Variants in CCSER1 observed in about 807,000 individuals in gnomAD.
CCSER1 encodes coiled-coil serine rich protein 1.
Under a neutral mutation model 82.0 loss-of-function variants are expected in CCSER1, and 41 were observed. That is an observed-to-expected ratio of 0.50 (90% CI 0.39 to 0.65). CCSER1 has a LOEUF of 0.65. Among genes scored for constraint, CCSER1 ranks in the 30% least tolerant of loss-of-function variants. The pLI, the probability that CCSER1 is intolerant of heterozygous loss-of-function variation, is 0.00. For missense variants in CCSER1, 1,119 were observed against 1,064.2 expected, an observed-to-expected ratio of 1.05 and a Z score of -0.72; for synonymous variants, 414 against 383.9, an observed-to-expected ratio of 1.08 and a Z score of -0.92.
intron 9 of CCSER1, among the ~76,000 whole-genome samples, chr4:91,084,724 C>A (rs979243586): frequency 5.3e-5 from 8 of 151,962 alleles, no homozygotes; most frequent in African/African-American, 1.9e-4. Context: ...AACAGGCTAC[C>A]ACCTATATAC....
At chr4:90,137,010 T>G (rs1344999598) in intron 1 of CCSER1, among the ~76,000 whole-genome samples, 1 of 152,194 alleles carries the variant, frequency 6.6e-6, no homozygotes. Context: ...AATAAGATTC[T>G]TAAATTTTCA....
chr4:90,634,420 G>A (rs1227955181), intron 6 of CCSER1, among the ~76,000 whole-genome samples: 1 of 151,316 alleles, frequency 6.6e-6, no homozygotes, highest in Non-Finnish European at 1.5e-5. Flanking sequence ...GACTTTCAAG[G>A]ATAATATTCA....
chr4:90,282,409 A>G (rs1195088382), intron 1 of CCSER1, among the ~76,000 whole-genome samples: 1 of 151,094 alleles, frequency 6.6e-6, no homozygotes, highest in African/African-American at 2.4e-5. Flanking sequence ...CCATCTGTGA[A>G]TCAAGTTAAA....
rs149942675 is a variant in CCSER1, at chr4:90,508,213, A to G, written c.1724+39859A>G. Among the ~76,000 whole-genome samples the G allele has an allele frequency of 5.7e-3, 869 of 152,236 alleles. 10 individuals carry two copies. The highest frequency in any genetic ancestry group is 0.02 in the African/African-American group (834 of 41,562). Reference sequence around the variant, plus strand: ...TCTCAGAAAAGCAGTTACGTTGGGTATACAGTGAGTATAAGAATGAAGTTG... The same window carrying G: ...TCTCAGAAAAGCAGTTACGTTGGGTGTACAGTGAGTATAAGAATGAAGTTG... On this transcript the variant is annotated intron_variant, in intron 5 of 10. Coordinates refer to ENST00000509176, the MANE Select transcript of CCSER1 (RefSeq NM_001145065.2).
At chr4:91,544,265 G>A (rs1195758792) in intron 10 of CCSER1, among the ~76,000 whole-genome samples, 1 of 152,052 alleles carries the variant, frequency 6.6e-6, no homozygotes, top group African/African-American at 2.4e-5. Context: ...CTTTAGCTCG[G>A]AGAAGTTTGT....
intron 10 of CCSER1, among the ~76,000 whole-genome samples, chr4:91,359,293 T>A (rs1749089337): frequency 6.6e-6 from 1 of 151,782 alleles, no homozygotes; most frequent in South Asian, 2.1e-4. Context: ...AACTACTGGG[T>A]TTAGGCCAGG....
At chr4:90,433,869 G>GATATATAT (rs138999636) in intron 4 of CCSER1, among the ~76,000 whole-genome samples, 1 of 147,758 alleles carries the variant, frequency 6.8e-6, no homozygotes, top group East Asian at 2.0e-4. Context: ...ATTTCCTGGA[G>GATATATAT]ATATATATAT....
At chr4:90,583,467 G>C (rs1781647830) in intron 5 of CCSER1, among the ~76,000 whole-genome samples, 1 of 151,966 alleles carries the variant, frequency 6.6e-6, no homozygotes, top group Non-Finnish European at 1.5e-5. Flanking sequence ...CGCCTGGCTG[G>C]ATATGTTTTT....
chr4:91,324,894 A>G (rs1343908952), intron 10 of CCSER1, among the ~76,000 whole-genome samples: 1 of 152,200 alleles, frequency 6.6e-6, no homozygotes, highest in Non-Finnish European at 1.5e-5. Context: ...GGGCAGAATA[A>G]TATGATTTGG....
Position 91,079,872 on chromosome 4 carries a change from CT to C in CCSER1, c.2173-6077del, listed in dbSNP as rs541753501. On this transcript the variant is annotated intron_variant, in intron 9 of 10. Transcript: ENST00000509176. ...AATTCAACAAAAAGAGCTAACTATTCTAAATTTATAGGCACCCAATACAGGA... is the reference window on the plus strand; with the variant it reads ...AATTCAACAAAAAGAGCTAACTATTCAAATTTATAGGCACCCAATACAGGA... 2.1e-3 allele frequency among the ~76,000 whole-genome samples: 318 copies of C among 152,248 alleles called. 3 individuals carry two copies. Among genetic ancestry groups the C allele is most frequent in the Non-Finnish European group, 1.5e-3 (99 of 68,000 alleles).
chr4:91,602,060 C>T lies in CCSER1; in HGVS notation c.*3003C>T, dbSNP rs1233260625. The T allele has an allele frequency of 6.6e-6, 1 of 152,016 alleles. No individual in the cohort carries two copies. Among genetic ancestry groups the T allele is most frequent in the Non-Finnish European group, 1.5e-5 (1 of 67,944 alleles). The allele number at this position is 152,016 out of a possible 1,614,324, so 9.4% of individuals were successfully genotyped here. On this transcript the variant is annotated 3_prime_UTR_variant, in exon 11 of 11. Coordinates refer to ENST00000509176, the MANE Select transcript of CCSER1 (RefSeq NM_001145065.2). ...ACAACATGAAACTGTTGCTGCAATG[C>T]TAAAGATGTGAATCCACCACTATCA...
At chr4:91,411,875 C>T (rs889378653) in intron 10 of CCSER1, among the ~76,000 whole-genome samples, 3 of 151,134 alleles carry the variant, frequency 2.0e-5, no homozygotes, top group Non-Finnish European at 2.9e-5. Context: ...AAAGACTTTG[C>T]ATATGGAATC....
chr4:90,151,814 T>A (rs1473189393), intron 1 of CCSER1, among the ~76,000 whole-genome samples: 5 of 152,254 alleles, frequency 3.3e-5, no homozygotes, highest in Admixed American at 3.3e-4. Context: ...TGTATTTACA[T>A]TTACACAGTG....
chr4:90,311,507 G>T (rs138911213), intron 2 of CCSER1, among the ~76,000 whole-genome samples: 2 of 152,078 alleles, frequency 1.3e-5, no homozygotes, highest in Admixed American at 1.3e-4. Context: ...ATATTCATGT[G>T]CTATTTATAA....
At chr4:90,665,146 G>A (rs1271125843) in intron 6 of CCSER1, among the ~76,000 whole-genome samples, 1 of 151,862 alleles carries the variant, frequency 6.6e-6, no homozygotes, top group Non-Finnish European at 1.5e-5. Flanking sequence ...TATATTAGGT[G>A]GTAGGATATA....
At chr4:91,442,238 T>TAACCAAAACAGCATGGTACTGG (rs1365933469) in intron 10 of CCSER1, among the ~76,000 whole-genome samples, 1 of 151,724 alleles carries the variant, frequency 6.6e-6, no homozygotes, top group African/African-American at 2.4e-5. Context: ...AAGGCTACGG[T>TAACCAAAACAGCATGGTACTGG]AACCAAAACA....
chr4:91,325,816 G>T (rs564094223), intron 10 of CCSER1, among the ~76,000 whole-genome samples: 7 of 152,212 alleles, frequency 4.6e-5, no homozygotes, highest in African/African-American at 1.7e-4. Flanking sequence ...AAAGAGTTTG[G>T]AAAGTATAAT....
At position 90,628,030 on chromosome 4, in the gene CCSER1, T is replaced by G. The variant is rs371946210; in HGVS notation, c.1730T>G (p.Leu577Arg). Residue 577 changes from leucine to arginine, a missense_variant, in exon 6 of 11, where the codon CTT becomes CGT. By Grantham distance (102) the Leu-to-Arg change is moderately radical (BLOSUM62 -2). Transcript: ENST00000509176. ...PEFPEPSKQNLSLKLTKDVDQ... is the reference protein window; with the variant it reads ...PEFPEPSKQNRSLKLTKDVDQ... ...CTTTTTTTTTTTCTTGTTAGGAATC[T>G]TTCCCTGAAATTAACAAAGGACGTT... 1.9e-6 allele frequency: 3 copies of G among 1,613,034 alleles called. No homozygotes were observed. The highest frequency in any genetic ancestry group is 2.2e-5 in the East Asian group (1 of 44,886).
chr4:91,327,606 C>T (rs567521821), intron 10 of CCSER1, among the ~76,000 whole-genome samples: 1 of 152,336 alleles, frequency 6.6e-6, no homozygotes, highest in East Asian at 1.9e-4. Flanking sequence ...CTCCTCTTTT[C>T]TTATGCAAAT....
Sources: allele counts gnomAD v4.1 joint callset (sites outside exome capture counted in the v4.1 genomes callset), GRCh38; gene constraint gnomAD v4.1.1; transcripts MANE v1.5; gene names NCBI Gene and HGNC (gene_info 2026-07-23, HGNC 2026-07-21).